The following SLC41A2 variants were observed in gnomAD, a reference collection of about 807,000 sequenced individuals.
SLC41A2 encodes the protein solute carrier family 41 member 2, also known as SLC41A1-like 1.
In SLC41A2, 32 loss-of-function variants were observed where a neutral mutation model predicts 58.3. The ratio of observed to expected loss-of-function variants is 0.55; its 90% CI spans 0.41 to 0.74. The LOEUF is 0.74. Ranked by LOEUF, SLC41A2 falls within the 30% of genes least tolerant of loss-of-function variation. SLC41A2 has a pLI of 0.00. For missense variants in SLC41A2, 514 were observed against 680.6 expected (o/e 0.76, Z 2.72); for synonymous variants, 190 against 235.0 (o/e 0.81, Z 1.75).
chr12:104,839,277 T>C (rs2042321313), intron 10 of SLC41A2, among the ~76,000 whole-genome samples: 1 of 152,122 alleles, frequency 6.6e-6, no homozygotes, highest in Non-Finnish European at 1.5e-5. Flanking sequence ...CTTTTTCCAC[T>C]GGGATACTTT....
At chr12:104,853,914 T>TTATTATTATTATTA (rs2042910944) in intron 8 of SLC41A2, among the ~76,000 whole-genome samples, 821 of 29,158 alleles carry the variant, frequency 0.028, 24 homozygotes, top group Non-Finnish European at 0.06. Context: ...CTGGCTGATT[T>TTATTATTATTATTA]TTTTTTTTTT....
chr12:104,950,697 T>C (rs568875359), intron 1 of SLC41A2, among the ~76,000 whole-genome samples: 5 of 152,166 alleles, frequency 3.3e-5, no homozygotes, highest in Non-Finnish European at 7.4e-5. Flanking sequence ...GAACCCTTTA[T>C]TTAAATTAAA....
At chr12:104,832,068 C>T (rs903257442) in intron 10 of SLC41A2, among the ~76,000 whole-genome samples, 1 of 152,264 alleles carries the variant, frequency 6.6e-6, no homozygotes, top group East Asian at 1.9e-4. Flanking sequence ...TAAAAAGTAA[C>T]AACTCATCAG....
At chr12:104,902,684 G>A (rs904197535) in intron 3 of SLC41A2, among the ~76,000 whole-genome samples, 1 of 152,102 alleles carries the variant, frequency 6.6e-6, no homozygotes, top group Non-Finnish European at 1.5e-5. Context: ...AACAAGCAGC[G>A]GTGAAAGACG....
At chr12:104,837,091 CT>C (rs1164813729) in intron 10 of SLC41A2, among the ~76,000 whole-genome samples, 1 of 152,114 alleles carries the variant, frequency 6.6e-6, no homozygotes, top group Non-Finnish European at 1.5e-5. Flanking sequence ...ACAGCTCCCC[CT>C]GTTAATTAAA....
At chr12:104,923,119 T>G (rs2046672477) in intron 2 of SLC41A2, among the ~76,000 whole-genome samples, 1 of 149,928 alleles carries the variant, frequency 6.7e-6, no homozygotes, top group Non-Finnish European at 1.5e-5. Flanking sequence ...TCCCAGCACT[T>G]TGGGAGGCCG....
At chr12:104,945,504 A>G (rs953592619) in intron 1 of SLC41A2, among the ~76,000 whole-genome samples, 1 of 152,162 alleles carries the variant, frequency 6.6e-6, no homozygotes, top group Non-Finnish European at 1.5e-5. Flanking sequence ...CGCCTCAAAA[A>G]AAAAGAAAAA....
At chr12:104,818,904 A>ATAAC (rs2041522729) in intron 10 of SLC41A2, among the ~76,000 whole-genome samples, 1 of 151,702 alleles carries the variant, frequency 6.6e-6, no homozygotes, top group Non-Finnish European at 1.5e-5. Flanking sequence ...AAATAAATAA[A>ATAAC]ATTTAAAGAG....
In SLC41A2 at chr12:104,859,687, T is replaced by C. The variant is rs58240204; in HGVS notation, c.1255+1604A>G. On this transcript the variant is annotated intron_variant, in intron 8 of 10. Coordinates refer to ENST00000258538, the MANE Select transcript of SLC41A2 (RefSeq NM_001352171.3). ...GAAATTTTAGACATGAAATTAGATT[T>C]TGAAGAACTTGCCTTTATATGTCAT... is the stretch of plus-strand genomic sequence containing the variant. Among the ~76,000 whole-genome samples the C allele has an allele frequency of 5.9e-3, 898 of 152,302 alleles. 17 individuals carry two copies. Among genetic ancestry groups the C allele is most frequent in the African/African-American group, 0.02 (844 of 41,552 alleles).
chr12:104,849,831 TA>T (rs1290209260), intron 8 of SLC41A2, among the ~76,000 whole-genome samples: 1 of 152,026 alleles, frequency 6.6e-6, no homozygotes, highest in Non-Finnish European at 1.5e-5. Flanking sequence ...CTATCTTTAG[TA>T]AGTAAGTAAG....
chr12:104,920,776 T>C (rs961915134), intron 2 of SLC41A2, among the ~76,000 whole-genome samples: 3 of 151,688 alleles, frequency 2.0e-5, no homozygotes, highest in Admixed American at 1.3e-4. Context: ...TACAAAAAAT[T>C]AGCTAGGTGT....
chr12:104,872,223 G>A (rs374426917), intron 6 of SLC41A2, among the ~76,000 whole-genome samples: 3 of 152,138 alleles, frequency 2.0e-5, no homozygotes, highest in East Asian at 1.9e-4. Flanking sequence ...AACTGACTCC[G>A]CGAGGCCTAA....
At chr12:104,838,801 A>G (rs555785987) in intron 10 of SLC41A2, among the ~76,000 whole-genome samples, 1 of 152,288 alleles carries the variant, frequency 6.6e-6, no homozygotes, top group African/African-American at 2.4e-5. Flanking sequence ...ATGCATTTCA[A>G]TCTAATCTAC....
intron 10 of SLC41A2, among the ~76,000 whole-genome samples, chr12:104,819,273 CAT>C (rs2041535949): frequency 1.3e-5 from 2 of 152,212 alleles, no homozygotes; most frequent in South Asian, 2.1e-4. Context: ...CAAATTAAAT[CAT>C]GTGTCAAAGG....
chr12:104,862,330 A>G (rs919351481), intron 7 of SLC41A2, among the ~76,000 whole-genome samples: 7 of 152,208 alleles, frequency 4.6e-5, no homozygotes, highest in Admixed American at 3.3e-4. Context: ...GGTACACTGT[A>G]GAGTCCCAAA....
intron 6 of SLC41A2, among the ~76,000 whole-genome samples, chr12:104,885,475 T>C (rs1359511759): frequency 7.9e-5 from 12 of 152,230 alleles, no homozygotes; most frequent in East Asian, 3.8e-4. Flanking sequence ...TAAATCTGTA[T>C]AGAATCCATG....
chr12:104,954,030 C>T (rs1360525277), intron 1 of SLC41A2, among the ~76,000 whole-genome samples: 4 of 152,142 alleles, frequency 2.6e-5, no homozygotes, highest in Non-Finnish European at 5.9e-5. Flanking sequence ...ATCTTTCCTT[C>T]CAAATTGTTT....
intron 1 of SLC41A2, among the ~76,000 whole-genome samples, chr12:104,953,944 T>G (rs996579164): frequency 6.6e-6 from 1 of 152,082 alleles, no homozygotes; most frequent in African/African-American, 2.4e-5. Flanking sequence ...AAGGAAAAGG[T>G]TTCCACTTTT....
chr12:104,816,822 G>A (rs188794247), intron 10 of SLC41A2, among the ~76,000 whole-genome samples: 2 of 152,170 alleles, frequency 1.3e-5, no homozygotes, highest in Admixed American at 6.5e-5. Context: ...GTTGTCCCTC[G>A]GTATCCATAG....
Sources: gnomAD v4.1 joint callset for allele counts (sites outside exome capture counted in the v4.1 genomes callset) on GRCh38, gnomAD v4.1.1 for gene constraint, MANE v1.5 for transcripts, NCBI Gene and HGNC (gene_info 2026-07-23, HGNC 2026-07-21) for gene names.